KIF2B: variants seen among roughly 807,000 people sequenced by gnomAD.
KIF2B encodes the protein kinesin-like protein KIF2B.
In KIF2B, 5 loss-of-function variants were observed where a neutral mutation model predicts 6.8. The ratio of observed to expected loss-of-function variants is 0.74; its 90% CI spans 0.39 to 1.55. The LOEUF (loss-of-function observed/expected upper bound fraction) is 1.55. Among genes scored for constraint, KIF2B ranks in the 40% most tolerant of loss-of-function variants. The pLI is 0.03. For synonymous variants in KIF2B, 370 were observed against 330.7 expected (o/e 1.12, Z -1.29); for missense variants, 908 against 831.3 (o/e 1.09, Z -1.13).
chr17:53,824,548 C>G lies in KIF2B; in HGVS notation c.1515C>G (p.Asp505Glu), dbSNP rs2143785847. 1 of 1,614,128 alleles carries G rather than the reference C, an allele frequency of 6.2e-7. No individual in the cohort carries two copies. Among genetic ancestry groups the G allele is most frequent in the Non-Finnish European group, 8.5e-7 (1 of 1,180,036 alleles). ...GCAAACTCACACTGGTGCTCCGGGACTCCTTTATAGGCCAGAACTCCTCCA... is the reference window on the plus strand; with the variant it reads ...GCAAACTCACACTGGTGCTCCGGGAGTCCTTTATAGGCCAGAACTCCTCCA... ...RASKLTLVLR[D>E]SFIGQNSSTC... The change falls in exon 1 of 1, where the codon GAC becomes GAG. Residue 505 changes from aspartate to glutamate, a missense_variant. Transcript: ENST00000268919.
At position 53,823,685 on chromosome 17, in the gene KIF2B, G is replaced by T. The variant is rs372615987; in HGVS notation, c.652G>T (p.Val218Leu). 2 of 1,614,200 alleles carry T rather than the reference G, an allele frequency of 1.2e-6. No homozygotes were observed. The highest frequency in any genetic ancestry group is 8.5e-7 in the Non-Finnish European group (1 of 1,180,050). ...PPQEHRICVC[V>L]RKRPLNQRET... Reference sequence around the variant, plus strand: ...GCAAGAACATCGCATCTGCGTCTGCGTGAGGAAGCGGCCTCTCAACCAGCG... The same window carrying T: ...GCAAGAACATCGCATCTGCGTCTGCTTGAGGAAGCGGCCTCTCAACCAGCG... Residue 218 changes from valine (V) to leucine (L), a missense_variant, in exon 1 of 1, where the codon GTG (valine) becomes TTG (leucine). Coordinates refer to ENST00000268919, the MANE Select transcript of KIF2B (RefSeq NM_032559.5).
rs752110971 is a variant in KIF2B at position 53,824,528 on chromosome 17, C to T, written c.1495C>T (p.Leu499Phe). 2 of 1,614,116 alleles carry T rather than the reference C, an allele frequency of 1.2e-6. No individual in the cohort carries two copies. The highest frequency in any genetic ancestry group is 1.3e-5 in the African/African-American group (1 of 75,028). Residue 499 changes from leucine to phenylalanine, a missense_variant, in exon 1 of 1, where the codon CTC becomes TTC. Leu to Phe is a conservative substitution (Grantham distance 22). Coordinates refer to ENST00000268919, the MANE Select transcript of KIF2B (RefSeq NM_032559.5). ...TCACACCCCATTCAGAGCCAGCAAA[C>T]TCACACTGGTGCTCCGGGACTCCTT... The part of the protein sequence containing the change: ...KPHTPFRASK[L>F]TLVLRDSFIG...
rs771455203 is a variant in KIF2B, at chr17:53,823,435, G to C, written c.402G>C (p.Arg134Ser). 1 of 1,614,086 alleles carries C rather than the reference G, an allele frequency of 6.2e-7. No individual in the cohort carries two copies. The highest frequency in any genetic ancestry group is 8.5e-7 in the Non-Finnish European group (1 of 1,180,034). The change falls in exon 1 of 1, where the codon AGG becomes AGC. Residue 134 changes from arginine to serine, a missense_variant. Coordinates refer to ENST00000268919, the MANE Select transcript of KIF2B (RefSeq NM_032559.5). ...QTASGDSLDV[R>S]VPSKPCLMKQ... ...CCTCAGGGGACAGCCTGGATGTGAG[G>C]GTCCCCAGCAAACCTTGTCTGATGA...
Position 53,824,191 on chromosome 17 carries a change from G to T in KIF2B, c.1158G>T (p.Val386=), listed in dbSNP as rs768048517. Residue 386 remains valine, a synonymous_variant, in exon 1 of 1, where the codon GTG becomes GTT. Coordinates refer to ENST00000268919, the MANE Select transcript of KIF2B (RefSeq NM_032559.5). ...AGGATGGCAATCAGCAAATCCAAGT[G>T]GTCGGGCTGCAGGAGAAAGAGGTGT... The part of the protein sequence containing the change: ...VLEDGNQQIQ[V]VGLQEKEVCC... 6.2e-7 allele frequency: 1 copy of T among 1,614,188 alleles called. No individual in the cohort carries two copies. The highest frequency in any genetic ancestry group is 1.1e-5 in the South Asian group (1 of 91,084).
Position 53,825,110 on chromosome 17 carries a change from T to C in KIF2B, c.*55T>C. The stretch of plus-strand genomic sequence containing the variant: ...GCTGCATTGCTGCAGTTTCCACCAC[T>C]CTTATACAGGAAAACTGTCCAAATT... On this transcript the variant is annotated 3_prime_UTR_variant, in exon 1 of 1. Transcript: ENST00000268919. 1 of 1,271,336 alleles carries C rather than the reference T, an allele frequency of 7.9e-7. No homozygotes were observed. The highest frequency in any genetic ancestry group is 1.1e-6 in the Non-Finnish European group (1 of 915,762). 78.8% of individuals were successfully genotyped at this position (1,271,336 alleles called of 1,614,324 possible).
chr17:53,824,507 A>T lies in KIF2B; in HGVS notation c.1474A>T (p.Thr492Ser), dbSNP rs773492584. 6.2e-7 allele frequency: 1 copy of T among 1,613,972 alleles called. No homozygotes were observed. Among genetic ancestry groups the T allele is most frequent in the Non-Finnish European group, 8.5e-7 (1 of 1,180,000 alleles). Residue 492 changes from threonine (T) to serine (S), a missense_variant, in exon 1 of 1, where the codon ACC becomes TCC. Physicochemically the swap from Thr to Ser is moderately conservative, Grantham distance 58. Transcript: ENST00000268919. ...GGCTTTGGGTCAGAACAAGCCTCAC[A>T]CCCCATTCAGAGCCAGCAAACTCAC... is the stretch of plus-strand genomic sequence containing the variant. Reference protein sequence around the residue: ...ILALGQNKPHTPFRASKLTLV... With the variant: ...ILALGQNKPHSPFRASKLTLV...
In KIF2B at chr17:53,824,139, AC is replaced by A. The variant is rs1354809647; in HGVS notation, c.1107del (p.Trp370GlyfsTer32). On this transcript the variant is annotated frameshift_variant, in exon 1 of 1. Transcript: ENST00000268919. LOFTEE classifies it low-confidence loss of function (END_TRUNC). Reference sequence around the variant, plus strand: ...GGGGGCAAGGTGTATGATTTGTTGAACTGGAAGAAGAAGCTGCAAGTCCTTG... The same window carrying A: ...GGGGGCAAGGTGTATGATTTGTTGAATGGAAGAAGAAGCTGCAAGTCCTTG... ...IYGGKVYDLL[N>X]WKKKLQVLED... 1 of 1,614,214 alleles carries A rather than the reference AC, an allele frequency of 6.2e-7. No individual in the cohort carries two copies. Among genetic ancestry groups the A allele is most frequent in the Non-Finnish European group, 8.5e-7 (1 of 1,180,036 alleles).
In KIF2B at chr17:53,823,977, G is replaced by A. The variant is rs143310670; in HGVS notation, c.944G>A (p.Gly315Glu). ...AGTGGGAAGACGTACACCATGGGTGGAGACTTTTCAGGAACGGCCCAAGAT... is the reference window on the plus strand; with the variant it reads ...AGTGGGAAGACGTACACCATGGGTGAAGACTTTTCAGGAACGGCCCAAGAT... Reference protein sequence around the residue: ...TGSGKTYTMGGDFSGTAQDCS... With the variant: ...TGSGKTYTMGEDFSGTAQDCS... The change falls in exon 1 of 1, where the codon GGA becomes GAA. Residue 315 changes from glycine to glutamate, a missense_variant. Coordinates refer to ENST00000268919, the MANE Select transcript of KIF2B (RefSeq NM_032559.5). The A allele has an allele frequency of 1.1e-4, 177 of 1,614,122 alleles. No individual in the cohort carries two copies. The highest frequency in any genetic ancestry group is 1.6e-5 in the Non-Finnish European group (19 of 1,180,048).
rs758754788 is a variant in KIF2B, at chr17:53,824,252, G to A, written c.1219G>A (p.Gly407Arg). The A allele has an allele frequency of 2.7e-5, 44 of 1,614,148 alleles. No individual in the cohort carries two copies. The highest frequency in any genetic ancestry group is 3.6e-5 in the Non-Finnish European group (43 of 1,180,012). The change falls in exon 1 of 1, where the codon GGG becomes AGG. Residue 407 changes from glycine (G) to arginine (R), a missense_variant. By Grantham distance (125) the Gly-to-Arg change is moderately radical (BLOSUM62 -2). Coordinates refer to ENST00000268919, the MANE Select transcript of KIF2B (RefSeq NM_032559.5). ...GGAAGTGCTGAACCTGGTGGAAATA[G>A]GGAATAGCTGTCGGACTTCCAGGCA... ...VEEVLNLVEI[G>R]NSCRTSRQTP...
Position 53,824,985 on chromosome 17 carries a change from C to T in KIF2B, c.1952C>T (p.Ala651Val), listed in dbSNP as rs2143787951. 1 of 1,614,068 alleles carries T rather than the reference C, an allele frequency of 6.2e-7. No homozygotes were observed. The highest frequency in any genetic ancestry group is 1.1e-5 in the South Asian group (1 of 91,068). ...TCCATTTTGGAGCAGAAAATTGATG[C>T]TCTGACCGAGATCCAAAAGAAACTG... is the stretch of plus-strand genomic sequence containing the variant. The part of the protein sequence containing the change: ...SLSILEQKID[A>V]LTEIQKKLKL... Residue 651 changes from alanine to valine, a missense_variant, in exon 1 of 1, where the codon GCT (alanine) becomes GTT (valine). Transcript: ENST00000268919.
In KIF2B at chr17:53,823,958, A is replaced by G. The variant is rs769138545; in HGVS notation, c.925A>G (p.Lys309Glu). 3 of 1,614,230 alleles carry G rather than the reference A, an allele frequency of 1.9e-6. No homozygotes were observed. Among genetic ancestry groups the G allele is most frequent in the Admixed American group, 3.3e-5 (2 of 60,024 alleles). ...TGCCTATGGGCAGACGGGAAGTGGG[A>G]AGACGTACACCATGGGTGGAGACTT... ...CFAYGQTGSG[K>E]TYTMGGDFSG... Residue 309 changes from lysine to glutamate, a missense_variant, in exon 1 of 1, where the codon AAG becomes GAG. Coordinates refer to ENST00000268919, the MANE Select transcript of KIF2B (RefSeq NM_032559.5).
At position 53,823,020 on chromosome 17, in the gene KIF2B, C is replaced by T. The variant is rs202059309; in HGVS notation, c.-14C>T. On this transcript the variant is annotated 5_prime_UTR_variant, in exon 1 of 1. Coordinates refer to ENST00000268919, the MANE Select transcript of KIF2B (RefSeq NM_032559.5). The stretch of plus-strand genomic sequence containing the variant: ...AGGGCCCTGGAGCGCTCCCTGATAC[C>T]TCCATCACTCACCATGGCCAGCCAG... The T allele has an allele frequency of 3.2e-5, 51 of 1,609,668 alleles. No homozygotes were observed. The African/African-American group carries it at 5.6e-4, about 18-fold the overall frequency.
chr17:53,824,688 G>A lies in KIF2B; in HGVS notation c.1655G>A (p.Arg552His), dbSNP rs767148004. 104 of 1,614,044 alleles carry A rather than the reference G, an allele frequency of 6.4e-5. No individual in the cohort carries two copies. The highest frequency in any genetic ancestry group is 8.3e-5 in the Admixed American group (5 of 60,014). Residue 552 changes from arginine to histidine, a missense_variant, in exon 1 of 1, where the codon CGT (arginine) becomes CAT (histidine). Physicochemically the swap from Arg to His is conservative, Grantham distance 29. Transcript: ENST00000268919. ...KLNVDVRPYH[R>H]GHYPIGHEAP... Reference sequence around the variant, plus strand: ...AATGTAGATGTAAGGCCCTACCATCGTGGCCACTATCCGATTGGACATGAG... The same window carrying A: ...AATGTAGATGTAAGGCCCTACCATCATGGCCACTATCCGATTGGACATGAG...
rs1302441782 is a variant in KIF2B, at chr17:53,823,023, C to A, written c.-11C>A. 1 of 1,610,192 alleles carries A rather than the reference C, an allele frequency of 6.2e-7. No individual in the cohort carries two copies. Among genetic ancestry groups the A allele is most frequent in the Non-Finnish European group, 8.5e-7 (1 of 1,177,554 alleles). On this transcript the variant is annotated 5_prime_UTR_variant, in exon 1 of 1. Transcript: ENST00000268919. ...GCCCTGGAGCGCTCCCTGATACCTC[C>A]ATCACTCACCATGGCCAGCCAGTTC...
At position 53,824,834 on chromosome 17, in the gene KIF2B, T is replaced by C. The variant is rs1355445676; in HGVS notation, c.1801T>C (p.Leu601=). Residue 601 remains leucine, a synonymous_variant, in exon 1 of 1, where the codon TTA becomes CTA. Transcript: ENST00000268919. ...EQKEIEEVET[L]PTLLGKDTTI... ...GAAAGAGATTGAAGAGGTTGAAACA[T>C]TACCCACTCTGTTAGGGAAGGATAC... is the stretch of plus-strand genomic sequence containing the variant. The C allele has an allele frequency of 1.2e-6, 2 of 1,613,784 alleles. No homozygotes were observed. The highest frequency in any genetic ancestry group is 1.3e-5 in the African/African-American group (1 of 74,894).
Position 53,823,445 on chromosome 17 carries a change from A to G in KIF2B, c.412A>G (p.Lys138Glu), listed in dbSNP as rs2143779623. The G allele has an allele frequency of 6.2e-7, 1 of 1,614,160 alleles. No individual in the cohort carries two copies. The highest frequency in any genetic ancestry group is 8.5e-7 in the Non-Finnish European group (1 of 1,180,038). The change falls in exon 1 of 1, where the codon AAA (lysine) becomes GAA (glutamate). Residue 138 changes from lysine (K) to glutamate (E), a missense_variant. Transcript: ENST00000268919. ...GDSLDVRVPS[K>E]PCLMKQKKSP... is the part of the protein sequence containing the mutation. ...CAGCCTGGATGTGAGGGTCCCCAGC[A>G]AACCTTGTCTGATGAAGCAGAAAAA...
In KIF2B at chr17:53,823,382, G is replaced by A. The variant is rs1906457185; in HGVS notation, c.349G>A (p.Ala117Thr). 8 of 1,613,990 alleles carry A rather than the reference G, an allele frequency of 5.0e-6. No homozygotes were observed. In the Admixed American group the frequency reaches 5.0e-5, roughly 10 times the overall value. The change falls in exon 1 of 1, where the codon GCG becomes ACG. Residue 117 changes from alanine (A) to threonine (T), a missense_variant. By Grantham distance (58) the Ala-to-Thr change is moderately conservative (BLOSUM62 0). Transcript: ENST00000268919. Reference protein sequence around the residue: ...RDQRTATKWVAMIPQKNQTAS... With the variant: ...RDQRTATKWVTMIPQKNQTAS... Reference sequence around the variant, plus strand: ...CCAGCGTACCGCCACGAAATGGGTTGCGATGATCCCCCAGAAAAACCAAAC... The same window carrying A: ...CCAGCGTACCGCCACGAAATGGGTTACGATGATCCCCCAGAAAAACCAAAC...
In KIF2B at chr17:53,823,492, C is replaced by G. The variant is rs749699324; in HGVS notation, c.459C>G (p.Ile153Met). Residue 153 changes from isoleucine (I) to methionine (M), a missense_variant, in exon 1 of 1, where the codon ATC becomes ATG. Coordinates refer to ENST00000268919, the MANE Select transcript of KIF2B (RefSeq NM_032559.5). ...KQKKSPCLWE[I>M]QKLQEQREKR... Reference sequence around the variant, plus strand: ...AAAAGTCTCCCTGCCTCTGGGAAATCCAGAAACTGCAGGAGCAGCGGGAAA... The same window carrying G: ...AAAAGTCTCCCTGCCTCTGGGAAATGCAGAAACTGCAGGAGCAGCGGGAAA... The G allele has an allele frequency of 1.9e-6, 3 of 1,614,096 alleles. No homozygotes were observed. Among genetic ancestry groups the G allele is most frequent in the South Asian group, 2.2e-5 (2 of 91,088 alleles).
Position 53,824,276 on chromosome 17 carries a change from C to G in KIF2B, c.1243C>G (p.Gln415Glu), listed in dbSNP as rs758884524. ...EIGNSCRTSR[Q>E]TPVNAHSSRS... ...AGGGAATAGCTGTCGGACTTCCAGG[C>G]AAACACCTGTCAACGCTCACTCATC... Residue 415 changes from glutamine (Q) to glutamate (E), a missense_variant, in exon 1 of 1, where the codon CAA (glutamine) becomes GAA (glutamate). Gln to Glu is a conservative substitution (Grantham distance 29, BLOSUM62 2). Transcript: ENST00000268919. 1 of 1,614,078 alleles carries G rather than the reference C, an allele frequency of 6.2e-7. No homozygotes were observed. Among genetic ancestry groups the G allele is most frequent in the African/African-American group, 1.3e-5 (1 of 75,006 alleles).
Sources: allele counts gnomAD v4.1 joint callset, GRCh38; gene constraint gnomAD v4.1.1; transcripts MANE v1.5; gene names NCBI Gene and HGNC (gene_info 2026-07-23, HGNC 2026-07-21).